The following ARMH4 variants were observed in gnomAD, a reference collection of about 807,000 sequenced individuals.
ARMH4 encodes the protein armadillo-like helical domain-containing protein 4.
In ARMH4, 49 loss-of-function variants were observed where a neutral mutation model predicts 61.9. That is an observed-to-expected ratio of 0.79 (90% confidence interval 0.63 to 1.00). The LOEUF is 1.00. ARMH4 is among the 50% of genes least tolerant of loss of function. The pLI is 0.00. For synonymous variants in ARMH4, 368 were observed against 341.5 expected, an observed-to-expected ratio of 1.08 and a Z score of -0.85; for missense variants, 934 against 930.0, an observed-to-expected ratio of 1.00 and a Z score of -0.06.
intron 5 of ARMH4, among the ~76,000 whole-genome samples, chr14:58,038,833 A>T (rs1883580325): frequency 6.6e-6 from 1 of 152,240 alleles, no homozygotes; most frequent in Non-Finnish European, 1.5e-5. Flanking sequence ...TCATAATTAG[A>T]CAAACCACTA....
At chr14:58,013,248 A>T (rs573897293) in intron 5 of ARMH4, among the ~76,000 whole-genome samples, 1 of 152,370 alleles carries the variant, frequency 6.6e-6, no homozygotes, top group East Asian at 1.9e-4. Context: ...CTGATGTTGT[A>T]TAACACAAAA....
chr14:58,004,655 T>C lies in ARMH4; in HGVS notation c.*81A>G, dbSNP rs1227368627. 1.7e-6 allele frequency: 2 copies of C among 1,205,038 alleles called. No homozygotes were observed. The highest frequency in any genetic ancestry group is 1.9e-5 in the Admixed American group (1 of 51,530). The allele number at this position is 1,205,038 out of a possible 1,614,324, so 74.6% of individuals were successfully genotyped here. Reference sequence around the variant, plus strand: ...GGCCTGATAGCAGCAATGTGGCAGGTTGTTCTTTTTTTTTTTCTGCTCCAA... The same window carrying C: ...GGCCTGATAGCAGCAATGTGGCAGGCTGTTCTTTTTTTTTTTCTGCTCCAA... On this transcript the variant is annotated 3_prime_UTR_variant, in exon 8 of 8. Transcript: ENST00000267485.
intron 1 of ARMH4, among the ~76,000 whole-genome samples, chr14:58,148,089 G>A (rs964881365): frequency 2.6e-5 from 4 of 151,982 alleles, no homozygotes; most frequent in Non-Finnish European, 5.9e-5. Flanking sequence ...TCGCTCTGTC[G>A]CCCAGGCTAC....
At chr14:58,132,974 C>T (rs1887168665) in intron 3 of ARMH4, 116 bp downstream of exon 3, 1 of 1,037,214 alleles carries the variant, frequency 9.6e-7, no homozygotes, top group Non-Finnish European at 1.5e-6. Flanking sequence ...TGTGTGTGTA[C>T]GTGCACGCAC....
intron 5 of ARMH4, among the ~76,000 whole-genome samples, chr14:58,080,012 C>A (rs1013192041): frequency 7.2e-5 from 11 of 152,168 alleles, no homozygotes; most frequent in Admixed American, 6.5e-5. Flanking sequence ...ACATAGTTCA[C>A]CCTCATTGCT....
intron 5 of ARMH4, among the ~76,000 whole-genome samples, chr14:58,096,349 GTATCTCCTCCCT>G (rs1161954891): frequency 6.6e-6 from 1 of 152,144 alleles, no homozygotes; most frequent in African/African-American, 2.4e-5. Context: ...CTGGTTACAC[GTATCTCCTCCCT>G]GTGCGGATGT....
intron 5 of ARMH4, among the ~76,000 whole-genome samples, chr14:58,038,244 C>G (rs1332509851): frequency 1.4e-5 from 1 of 73,672 alleles, no homozygotes; most frequent in East Asian, 5.5e-4. Context: ...GAGTTCATGT[C>G]CTTTGTAGGG....
At chr14:58,130,649 T>A (rs1446561571) in intron 4 of ARMH4, among the ~76,000 whole-genome samples, 1 of 152,226 alleles carries the variant, frequency 6.6e-6, no homozygotes, top group African/African-American at 2.4e-5. Flanking sequence ...CTCAAGTTTC[T>A]TTTACATGCT....
chr14:58,130,587 G>A (rs188680773), intron 4 of ARMH4, among the ~76,000 whole-genome samples: 3 of 150,386 alleles, frequency 2.0e-5, no homozygotes, highest in Admixed American at 1.3e-4. Flanking sequence ...GATTAATTAC[G>A]TGACTATGTG....
At chr14:58,146,795 A>G in intron 1 of ARMH4, among the ~76,000 whole-genome samples, 1 of 152,240 alleles carries the variant, frequency 6.6e-6, no homozygotes, top group East Asian at 1.9e-4. Flanking sequence ...CTATTTCAGT[A>G]TGTTACCAAA....
At position 58,131,676 on chromosome 14, in the gene ARMH4, A is replaced by T. The variant is rs754026877; in HGVS notation, c.1667T>A (p.Val556Asp). ...VTGPNEEFTP[V>D]LGSPVTPPGI... ...AGGAGGTGTCACTGGAGATCCCAGA[A>T]CTGGTGTGAACTCCTCATTTGGCCC... Residue 556 changes from valine (V) to aspartate (D), a missense_variant, in exon 4 of 8, where the codon GTT becomes GAT. Coordinates refer to ENST00000267485, the MANE Select transcript of ARMH4 (RefSeq NM_001001872.4). 160 of 1,613,506 alleles carry T rather than the reference A, an allele frequency of 9.9e-5. 1 individual carries two copies. The highest frequency in any genetic ancestry group is 1.2e-4 in the Non-Finnish European group (144 of 1,180,028).
At chr14:58,149,152 A>G (rs1213595939) in intron 1 of ARMH4, among the ~76,000 whole-genome samples, 1 of 152,054 alleles carries the variant, frequency 6.6e-6, no homozygotes, top group Non-Finnish European at 1.5e-5. Flanking sequence ...ACACTATTTT[A>G]TTGCCAATAC....
chr14:58,138,652 A>C lies in ARMH4; in HGVS notation c.707T>G (p.Phe236Cys), dbSNP rs764965986. Residue 236 changes from phenylalanine to cysteine, a missense_variant, in exon 2 of 8, where the codon TTT (phenylalanine) becomes TGT (cysteine). Phe to Cys is a radical substitution (Grantham distance 205). Coordinates refer to ENST00000267485, the MANE Select transcript of ARMH4 (RefSeq NM_001001872.4). ...GCCTGCTGTGGACTCAGCACCAGGAAAAGAAGTTGTCCTGTGGTCTGTGTC... is the reference window on the plus strand; with the variant it reads ...GCCTGCTGTGGACTCAGCACCAGGACAAGAAGTTGTCCTGTGGTCTGTGTC... ...EADTDHRTTS[F>C]PGAESTAGSE... 1 of 1,614,186 alleles carries C rather than the reference A, an allele frequency of 6.2e-7. No homozygotes were observed. The highest frequency in any genetic ancestry group is 8.5e-7 in the Non-Finnish European group (1 of 1,180,018).
intron 5 of ARMH4, among the ~76,000 whole-genome samples, chr14:58,092,719 G>A (rs1885612944): frequency 6.6e-6 from 1 of 151,878 alleles, no homozygotes; most frequent in Non-Finnish European, 1.5e-5. Flanking sequence ...CTCTAACTCT[G>A]AACCTCCTAC....
intron 6 of ARMH4, among the ~76,000 whole-genome samples, chr14:58,011,802 A>G (rs1882419526): frequency 6.6e-6 from 1 of 151,572 alleles, no homozygotes; most frequent in African/African-American, 2.4e-5. Context: ...TGAGATGACA[A>G]TCCTGAAATT....
At chr14:58,023,302 T>G (rs548874938) in intron 5 of ARMH4, among the ~76,000 whole-genome samples, 32 of 152,196 alleles carry the variant, frequency 2.1e-4, no homozygotes, top group Admixed American at 1.0e-3. Context: ...TGAGCTAAGG[T>G]CATGTAATAT....
intron 5 of ARMH4, among the ~76,000 whole-genome samples, chr14:58,030,792 T>C (rs1883201212): frequency 6.6e-6 from 1 of 152,224 alleles, no homozygotes; most frequent in Non-Finnish European, 1.5e-5. Context: ...CAGAACTAAC[T>C]TCCTTTTTAA....
At chr14:58,009,807 C>CAAAAAA (rs1180997628) in intron 6 of ARMH4, among the ~76,000 whole-genome samples, 1 of 46,800 alleles carries the variant, frequency 2.1e-5, no homozygotes, top group Non-Finnish European at 4.2e-5. Context: ...CAAGACTCTG[C>CAAAAAA]AAAAAAAAAA....
chr14:58,005,671 CT>C (rs1882143030), intron 6 of ARMH4, among the ~76,000 whole-genome samples: 1 of 152,080 alleles, frequency 6.6e-6, no homozygotes. Flanking sequence ...CCCTCTCTGT[CT>C]GTCTTGGCTG....
Sources: gnomAD v4.1 joint callset for allele counts (sites outside exome capture counted in the v4.1 genomes callset) on GRCh38, gnomAD v4.1.1 for gene constraint, MANE v1.5 for transcripts, NCBI Gene and HGNC (gene_info 2026-07-23, HGNC 2026-07-21) for gene names.